The following FAM107B variants were observed in gnomAD, a reference collection of about 807,000 sequenced individuals.
FAM107B encodes protein FAM107B.
FAM107B carries 21 observed loss-of-function variants against 31.5 expected under a neutral mutation model. The ratio of observed to expected loss-of-function variants is 0.67; its 90% CI spans 0.47 to 0.96. The LOEUF (loss-of-function observed/expected upper bound fraction) is 0.96, where lower values mean the gene tolerates loss of function less well. FAM107B is among the 40% of genes least tolerant of loss of function. The probability of loss-of-function intolerance (pLI) is 0.00; values close to 1 mark genes in which losing one functional copy is unlikely to be tolerated. For synonymous variants in FAM107B, 157 were observed against 141.5 expected, an observed-to-expected ratio of 1.11 and a Z score of -0.78; for missense variants, 452 against 377.1, an observed-to-expected ratio of 1.20 and a Z score of -1.64.
chr10:14,722,838 T>A (rs1450825205), intron 1 of FAM107B, among the ~76,000 whole-genome samples: 2 of 152,210 alleles, frequency 1.3e-5, no homozygotes, highest in African/African-American at 4.8e-5. Flanking sequence ...ATTCATCTAT[T>A]TTTTATTTTA....
At position 14,733,439 on chromosome 10, in the gene FAM107B, G is replaced by C. The variant is rs566485795; in HGVS notation, c.411+40814C>G. 2.0e-5 allele frequency among the ~76,000 whole-genome samples: 3 copies of C among 152,244 alleles called. No individual in the cohort carries two copies. The East Asian group carries it at 5.8e-4, about 29-fold the overall frequency. ...GACTAAAATGATGTTAAGTAGAAAT[G>C]ATATCCAGTAAGATACGCTTGTTTT... On this transcript the variant is annotated intron_variant, in intron 1 of 4. Transcript: ENST00000181796.
At chr10:14,675,563 C>T (rs1489415855) in intron 1 of FAM107B, among the ~76,000 whole-genome samples, 1 of 152,036 alleles carries the variant, frequency 6.6e-6, no homozygotes, top group African/African-American at 2.4e-5. Flanking sequence ...AAAATGGGTC[C>T]CAAAGGAGAC....
intron 2 of FAM107B, among the ~76,000 whole-genome samples, chr10:14,665,477 A>G (rs1295686008): frequency 6.6e-6 from 1 of 152,268 alleles, no homozygotes; most frequent in Non-Finnish European, 1.5e-5. Context: ...CTCAGAACAT[A>G]GTGGGCACTA....
At position 14,572,913 on chromosome 10, in the gene FAM107B, T is replaced by C. The variant is rs553932849; in HGVS notation, c.470-42398A>G. Reference sequence around the variant, plus strand: ...ATCTCTGGGCTGAAGGATCCTCCCCTCTAAAACAAGGAGTTTCCTTCCAGT... The same window carrying C: ...ATCTCTGGGCTGAAGGATCCTCCCCCCTAAAACAAGGAGTTTCCTTCCAGT... On this transcript the variant is annotated intron_variant, in intron 2 of 4. Transcript: ENST00000181796. Among the ~76,000 whole-genome samples the C allele has an allele frequency of 1.1e-4, 17 of 151,758 alleles. No homozygotes were observed. In the East Asian group the frequency reaches 3.3e-3, roughly 29 times the overall value.
At chr10:14,725,540 A>C (rs1856011515) in intron 1 of FAM107B, among the ~76,000 whole-genome samples, 1 of 151,680 alleles carries the variant, frequency 6.6e-6, no homozygotes, top group Non-Finnish European at 1.5e-5. Context: ...TCTAGTTAAG[A>C]CCCCCTTCCT....
In FAM107B at chr10:14,660,863, C is replaced by T. The variant is rs74122876; in HGVS notation, c.469+6771G>A. 8.0e-3 allele frequency among the ~76,000 whole-genome samples: 1,224 copies of T among 152,186 alleles called. 18 individuals carry two copies. The highest frequency in any genetic ancestry group is 0.028 in the African/African-American group (1,164 of 41,488). On this transcript the variant is annotated intron_variant, in intron 2 of 4. Transcript: ENST00000181796. Reference sequence around the variant, plus strand: ...AAAGGAAAAAGGAAAGAGATGCTACCCAGGTCATGAGGTTTGGATTTGTGT... The same window carrying T: ...AAAGGAAAAAGGAAAGAGATGCTACTCAGGTCATGAGGTTTGGATTTGTGT...
At chr10:14,641,576 A>G (rs565918271) in intron 2 of FAM107B, among the ~76,000 whole-genome samples, 14 of 152,310 alleles carry the variant, frequency 9.2e-5, no homozygotes, top group Non-Finnish European at 1.2e-4. Context: ...GTAGATGGCC[A>G]CCTTCTTGCT....
In FAM107B at chr10:14,526,994, C is replaced by A. The variant is rs190364112; in HGVS notation, c.653+3338G>T. Among the ~76,000 whole-genome samples the A allele has an allele frequency of 7.0e-3, 1,068 of 152,180 alleles. 12 individuals are homozygous for A. Among genetic ancestry groups the A allele is most frequent in the Middle Eastern group, 0.024 (7 of 294 alleles). ...CTGGGACTACAGGTGCCCACCAACA[C>A]GCCCAGCTAATTTTTTATATTTTTA... On this transcript the variant is annotated intron_variant, in intron 3 of 4. Transcript: ENST00000181796.
intron 2 of FAM107B, among the ~76,000 whole-genome samples, chr10:14,609,383 T>C (rs1316778506): frequency 6.6e-6 from 1 of 152,176 alleles, no homozygotes; most frequent in African/African-American, 2.4e-5. Context: ...TCTAAGGTCA[T>C]TCAGATTGCT....
At chr10:14,641,300 A>G (rs1307373453) in intron 2 of FAM107B, among the ~76,000 whole-genome samples, 1 of 152,208 alleles carries the variant, frequency 6.6e-6, no homozygotes, top group Non-Finnish European at 1.5e-5. Flanking sequence ...GTCCTCTGGC[A>G]CATGAGACTT....
intron 2 of FAM107B, among the ~76,000 whole-genome samples, chr10:14,568,962 G>A (rs957302705): frequency 1.3e-5 from 2 of 152,184 alleles, no homozygotes; most frequent in African/African-American, 2.4e-5. Context: ...GGGACACAGT[G>A]CATAGGTAGA....
rs181737577 is a variant in FAM107B at position 14,677,546 on chromosome 10, G to A, written c.412-9855C>T. Among the ~76,000 whole-genome samples the A allele has an allele frequency of 1.5e-3, 227 of 152,222 alleles. 1 individual carries two copies. The highest frequency in any genetic ancestry group is 5.1e-4 in the Non-Finnish European group (35 of 68,004). On this transcript the variant is annotated intron_variant, in intron 1 of 4. Coordinates refer to ENST00000181796, the MANE Select transcript of FAM107B (RefSeq NM_031453.4). The stretch of plus-strand genomic sequence containing the variant: ...TGAGGCAGGAGAATGGCGCGAACCC[G>A]GGAGGCGGAGCTTGCAGTGAGCAGA...
At chr10:14,619,882 T>G (rs1852960099) in intron 2 of FAM107B, among the ~76,000 whole-genome samples, 1 of 152,096 alleles carries the variant, frequency 6.6e-6, no homozygotes, top group South Asian at 2.1e-4. Context: ...AATTTCTTTT[T>G]TTTTCATTAG....
At chr10:14,699,008 G>T (rs1225458132) in intron 1 of FAM107B, among the ~76,000 whole-genome samples, 2 of 152,150 alleles carry the variant, frequency 1.3e-5, no homozygotes, top group African/African-American at 4.8e-5. Flanking sequence ...AACAGCACAG[G>T]TCTGAGTTGG....
chr10:14,768,939 C>T (rs567006162), intron 1 of FAM107B, among the ~76,000 whole-genome samples: 9 of 152,298 alleles, frequency 5.9e-5, no homozygotes, highest in African/African-American at 1.9e-4. Context: ...GGCCTTGATG[C>T]TCCAACCTTC....
intron 2 of FAM107B, among the ~76,000 whole-genome samples, chr10:14,537,427 G>A (rs1306217186): frequency 6.6e-6 from 1 of 152,222 alleles, no homozygotes; most frequent in Non-Finnish European, 1.5e-5. Context: ...ACCCGCATCT[G>A]CATTCCAGCT....
At chr10:14,760,323 C>T (rs914005769) in intron 1 of FAM107B, among the ~76,000 whole-genome samples, 7 of 152,108 alleles carry the variant, frequency 4.6e-5, no homozygotes, top group East Asian at 1.9e-4. Context: ...GCCAGTTTTC[C>T]GGTTTGCAAA....
At chr10:14,746,079 GTTAGT>G (rs899342527) in intron 1 of FAM107B, among the ~76,000 whole-genome samples, 8 of 151,976 alleles carry the variant, frequency 5.3e-5, no homozygotes, top group South Asian at 2.1e-4. Flanking sequence ...TTTGATCTTT[GTTAGT>G]TTAAAGTCTG....
At chr10:14,744,998 A>T (rs570689986) in intron 1 of FAM107B, among the ~76,000 whole-genome samples, 23 of 152,264 alleles carry the variant, frequency 1.5e-4, no homozygotes, top group African/African-American at 5.1e-4. Flanking sequence ...TTATTGGTCT[A>T]TTCAGGGATT....
Sources: gnomAD v4.1 joint callset for allele counts (sites outside exome capture counted in the v4.1 genomes callset) on GRCh38, gnomAD v4.1.1 for gene constraint, MANE v1.5 for transcripts, NCBI Gene and HGNC (gene_info 2026-07-23, HGNC 2026-07-21) for gene names.